Variants in TSPEAR observed in about 807,000 individuals in gnomAD.
TSPEAR encodes thrombospondin type laminin G domain and EAR repeats.
Under a neutral mutation model 71.6 loss-of-function variants are expected in TSPEAR, and 69 were observed. The ratio of observed to expected loss-of-function variants is 0.96; its 90% CI spans 0.79 to 1.18. The LOEUF is 1.18. TSPEAR is among the 50% of genes most tolerant of loss of function. The pLI is 0.00. For missense variants in TSPEAR, 971 were observed against 894.9 expected (o/e 1.09, Z -1.09); for synonymous variants, 402 against 387.2 (o/e 1.04, Z -0.45).
At chr21:44,665,880 A>G (rs1264901148) in intron 1 of TSPEAR, among the ~76,000 whole-genome samples, 2 of 152,172 alleles carry the variant, frequency 1.3e-5, no homozygotes, top group South Asian at 2.1e-4. Flanking sequence ...CCAATTGTCA[A>G]TGCTCTGAGG....
chr21:44,661,035 T>G (rs1985458688), intron 1 of TSPEAR, among the ~76,000 whole-genome samples: 1 of 152,112 alleles, frequency 6.6e-6, no homozygotes, highest in African/African-American at 2.4e-5. Flanking sequence ...CTCACGCCTG[T>G]AATCCCAGCA....
At chr21:44,513,578 A>C (rs1325802441) in intron 9 of TSPEAR, among the ~76,000 whole-genome samples, 1 of 152,156 alleles carries the variant, frequency 6.6e-6, no homozygotes, top group African/African-American at 2.4e-5. Flanking sequence ...CTGGCAGCTC[A>C]GGAGCATCTT....
At position 44,685,544 on chromosome 21, in the gene TSPEAR, G is replaced by T. The variant is rs1262318061; in HGVS notation, c.82+25889C>A. ...GTCCTCCTGGGCTCCGTCTGCAGAG[G>T]AGGTGTCCTGTGGCCATTAGTGCTA... On this transcript the variant is annotated intron_variant, in intron 1 of 11. Coordinates refer to ENST00000323084, the MANE Select transcript of TSPEAR (RefSeq NM_144991.3). Among the ~76,000 whole-genome samples, 10 of 152,110 alleles carry T rather than the reference G, an allele frequency of 6.6e-5. 1 individual carries two copies. The highest frequency in any genetic ancestry group is 5.2e-4 in the Admixed American group (8 of 15,286).
At chr21:44,518,349 TG>T in intron 9 of TSPEAR, 1 of 458,580 alleles carries the variant, frequency 2.2e-6, no homozygotes. Flanking sequence ...TCTGGGGCAC[TG>T]GGGCATCTTG....
intron 1 of TSPEAR, chr21:44,681,996 G>A: frequency 6.2e-7 from 1 of 1,610,072 alleles, no homozygotes; most frequent in Non-Finnish European, 8.5e-7. Context: ...CACACACACG[G>A]CTGGCTTGAA....
Position 44,710,479 on chromosome 21 carries a change from C to G in TSPEAR, c.82+954G>C, listed in dbSNP as rs1308489875. 6.7e-6 allele frequency among the ~76,000 whole-genome samples: 1 copy of G among 148,972 alleles called. No homozygotes were observed. Among genetic ancestry groups the G allele is most frequent in the Non-Finnish European group, 1.5e-5 (1 of 67,016 alleles). ...TCCATACTCGGGTGATCGTGCTCATCCCCTGGTCATGTCATCGGGATCTGA... is the reference window on the plus strand; with the variant it reads ...TCCATACTCGGGTGATCGTGCTCATGCCCTGGTCATGTCATCGGGATCTGA... On this transcript the variant is annotated intron_variant, in intron 1 of 11. Transcript: ENST00000323084. This position sits in a 1 kb window ranked among gnomAD's most constrained non-coding sequence, Gnocchi z 4.6.
chr21:44,638,992 C>T (rs1016273225), intron 1 of TSPEAR, among the ~76,000 whole-genome samples: 4 of 152,026 alleles, frequency 2.6e-5, no homozygotes, highest in Admixed American at 6.6e-5. Context: ...CCCCAGGACT[C>T]GAGCCCAGCA....
intron 1 of TSPEAR, among the ~76,000 whole-genome samples, chr21:44,635,139 G>C (rs1426756486): frequency 6.6e-6 from 1 of 152,114 alleles, no homozygotes. Context: ...GAGGTCAGGA[G>C]TTCAAGACCA....
Position 44,688,823 on chromosome 21 carries a change from C to A in TSPEAR, c.82+22610G>T, listed in dbSNP as rs538655180. 2.6e-5 allele frequency among the ~76,000 whole-genome samples: 4 copies of A among 152,248 alleles called. No homozygotes were observed. The East Asian group carries it at 7.7e-4, about 29-fold the overall frequency. ...CAGCTCTGCTTCCCAGCAAGCCCAG[C>A]GGAAGGGGAGTGGGGAGGGCTGCAG... On this transcript the variant is annotated intron_variant, in intron 1 of 11. Transcript: ENST00000323084.
intron 1 of TSPEAR, among the ~76,000 whole-genome samples, chr21:44,569,930 C>G (rs1391919421): frequency 6.6e-6 from 1 of 152,106 alleles, no homozygotes; most frequent in Non-Finnish European, 1.5e-5. Context: ...GGGGATGAGA[C>G]TCCACATACT....
intron 1 of TSPEAR, among the ~76,000 whole-genome samples, chr21:44,603,545 C>T (rs1227022220): frequency 2.0e-5 from 3 of 152,210 alleles, no homozygotes; most frequent in African/African-American, 7.2e-5. Flanking sequence ...TGGGGAAACA[C>T]GCCCCCCACG....
chr21:44,508,763 G>A (rs1555912211), intron 10 of TSPEAR: 2 of 1,283,176 alleles, frequency 1.6e-6, no homozygotes, highest in African/African-American at 1.5e-5. Context: ...TGTCGGGGAG[G>A]ATGCAACATC....
At chr21:44,619,654 GAGAT>G (rs781868013) in intron 1 of TSPEAR, among the ~76,000 whole-genome samples, 3 of 152,164 alleles carry the variant, frequency 2.0e-5, no homozygotes, top group Non-Finnish European at 4.4e-5. Context: ...TATCAATAAA[GAGAT>G]AGGAGGAAAT....
At chr21:44,540,179 G>A (rs1555917063) in intron 2 of TSPEAR, 13 of 1,604,114 alleles carry the variant, frequency 8.1e-6, no homozygotes, top group Non-Finnish European at 1.1e-5. Context: ...TGAGCTGCGG[G>A]AGGTGTGAGT....
At chr21:44,702,127 C>A in intron 1 of TSPEAR, 3 of 1,142,586 alleles carry the variant, frequency 2.6e-6, no homozygotes, top group Non-Finnish European at 2.4e-6. Flanking sequence ...AGGCAGCGTC[C>A]ACATGAGCAC....
rs144543748 is a variant in TSPEAR at position 44,677,847 on chromosome 21, G to C, written c.82+33586C>G. ...CACCTCGAAGAGTTTGTCTGAGTAA[G>C]GTATGGTTTTCTCTACTCTTTCTCG... On this transcript the variant is annotated intron_variant, in intron 1 of 11. Coordinates refer to ENST00000323084, the MANE Select transcript of TSPEAR (RefSeq NM_144991.3). 5.7e-4 allele frequency: 747 copies of C among 1,316,136 alleles called. 1 individual carries two copies. The African/African-American group carries it at 9.3e-3, about 16-fold the overall frequency. 81.5% of individuals were successfully genotyped at this position (1,316,136 alleles called of 1,614,324 possible). A position where few individuals can be genotyped will look rare whatever the true frequency, so the allele number is the denominator to read the frequency against.
chr21:44,527,432 G>C lies in TSPEAR; in HGVS notation c.1009C>G (p.Gln337Glu). 2 of 1,614,252 alleles carry C rather than the reference G, an allele frequency of 1.2e-6. No homozygotes were observed. The highest frequency in any genetic ancestry group is 1.7e-6 in the Non-Finnish European group (2 of 1,180,048). The change falls in exon 7 of 12, where the codon CAG becomes GAG. Residue 337 changes from glutamine (Q) to glutamate (E), a missense_variant. Coordinates refer to ENST00000323084, the MANE Select transcript of TSPEAR (RefSeq NM_144991.3). Reference protein sequence around the residue: ...TLGIEVFRIPQVGLFVATANR... With the variant: ...TLGIEVFRIPEVGLFVATANR... ...GCTGTGGCCACAAAGAGCCCCACCT[G>C]AGGGATGCGGAACACCTCAATGCCC... is the stretch of plus-strand genomic sequence containing the variant.
chr21:44,573,830 C>T (rs371962927), intron 1 of TSPEAR: 490 of 1,613,790 alleles, frequency 3.0e-4, no homozygotes, highest in African/African-American at 2.7e-3. Flanking sequence ...ACTCTTGCTC[C>T]GACTCCTGGC....
At chr21:44,690,153 G>T (rs1987066975) in intron 1 of TSPEAR, among the ~76,000 whole-genome samples, 1 of 151,986 alleles carries the variant, frequency 6.6e-6, no homozygotes, top group Admixed American at 6.6e-5. Flanking sequence ...GCTCTGATTT[G>T]GAACAAAACG....
Sources: allele counts gnomAD v4.1 joint callset (sites outside exome capture counted in the v4.1 genomes callset), GRCh38; gene constraint gnomAD v4.1.1; non-coding constraint Gnocchi (gnomAD v3.1); transcripts MANE v1.5; gene names NCBI Gene and HGNC (gene_info 2026-07-23, HGNC 2026-07-21).